The following SLC12A8 variants were observed in gnomAD, a reference collection of about 807,000 sequenced individuals.
The protein encoded by SLC12A8 is cation-chloride cotransporter 9.
Under a neutral mutation model 75.6 loss-of-function variants are expected in SLC12A8, and 69 were observed. That is an observed-to-expected ratio of 0.91 (90% CI 0.75 to 1.11). The LOEUF is 1.11. Among genes scored for constraint, SLC12A8 ranks in the 50% most tolerant of loss-of-function variants. The pLI, the probability that SLC12A8 is intolerant of heterozygous loss-of-function variation, is 0.00. For synonymous variants in SLC12A8, 365 were observed against 372.8 expected (o/e 0.98, Z 0.24); for missense variants, 877 against 896.7 (o/e 0.98, Z 0.28).
intron 5 of SLC12A8, among the ~76,000 whole-genome samples, chr3:125,141,407 G>A (rs537402229): frequency 2.0e-5 from 3 of 152,332 alleles, no homozygotes; most frequent in African/African-American, 4.8e-5. Flanking sequence ...GGCAGGCAGC[G>A]GGGGTCACTA....
At chr3:125,119,875 G>A (rs1309921867) in intron 7 of SLC12A8, 1 of 456,656 alleles carries the variant, frequency 2.2e-6, no homozygotes, top group Non-Finnish European at 4.4e-6. Flanking sequence ...CCCAATGAAG[G>A]GCAGAGAAGC....
chr3:125,133,864 C>T (rs1357628608), intron 6 of SLC12A8, among the ~76,000 whole-genome samples: 5 of 152,122 alleles, frequency 3.3e-5, no homozygotes, highest in East Asian at 1.9e-4. Flanking sequence ...CAAGCCACCA[C>T]GCCAGGCCAG....
intron 8 of SLC12A8, among the ~76,000 whole-genome samples, chr3:125,112,885 G>T (rs1160654431): frequency 2.0e-5 from 3 of 152,170 alleles, no homozygotes; most frequent in Non-Finnish European, 4.4e-5. Context: ...AGCCCTCCAG[G>T]TGATTCTAAT....
intron 12 of SLC12A8, among the ~76,000 whole-genome samples, chr3:125,090,146 C>A (rs1043831157): frequency 3.3e-5 from 5 of 152,078 alleles, no homozygotes; most frequent in Non-Finnish European, 5.9e-5. Context: ...TGGCCTCAAG[C>A]AATTCTCCTG....
At chr3:125,134,140 C>T (rs9809701) in intron 6 of SLC12A8, among the ~76,000 whole-genome samples, 36,933 of 151,954 alleles carry the variant, frequency 0.24, 4,802 homozygotes, top group Non-Finnish European at 0.28. Context: ...CTCGCTCTGT[C>T]GCCCAGGCTG....
chr3:125,107,364 C>T, intron 10 of SLC12A8, 117 bp downstream of exon 10: 1 of 917,648 alleles, frequency 1.1e-6, no homozygotes, highest in Non-Finnish European at 1.7e-6. Flanking sequence ...ACAAATATTG[C>T]ACAAAATTAA....
At chr3:125,199,008 G>T (rs1417770840) in intron 2 of SLC12A8, among the ~76,000 whole-genome samples, 1 of 152,008 alleles carries the variant, frequency 6.6e-6, no homozygotes, top group Non-Finnish European at 1.5e-5. Context: ...TCGATCTCCT[G>T]ACCTCGTGAT....
At chr3:125,200,963 A>G (rs2107802286) in intron 2 of SLC12A8, among the ~76,000 whole-genome samples, 1 of 152,348 alleles carries the variant, frequency 6.6e-6, no homozygotes, top group Non-Finnish European at 1.5e-5. Context: ...GACAGTGACC[A>G]TGGATGTGAT....
rs375950497 is a variant in SLC12A8 at position 125,092,043 on chromosome 3, C to T, written c.1803+58G>A. 9.7e-6 allele frequency: 12 copies of T among 1,236,580 alleles called. No homozygotes were observed. The East Asian group carries it at 2.6e-4, about 26-fold the overall frequency. The allele number at this position is 1,236,580 out of a possible 1,614,324, so 76.6% of individuals were successfully genotyped here. A position where few individuals can be genotyped will look rare whatever the true frequency, so the allele number is the denominator to read the frequency against. ...TCCTCCCCCACAGCCCAAGATCACA[C>T]ATGTGTCCACCTGAACTCTGTCCCA... On this transcript the variant is annotated intron_variant, in intron 11 of 13. Transcript: ENST00000469902.
intron 4 of SLC12A8, among the ~76,000 whole-genome samples, chr3:125,179,455 G>A (rs1934606052): frequency 6.6e-6 from 1 of 152,184 alleles, no homozygotes; most frequent in African/African-American, 2.4e-5. Context: ...GGCTCCATGA[G>A]TTCCAGCCAT....
intron 8 of SLC12A8, among the ~76,000 whole-genome samples, chr3:125,118,371 C>T (rs1165990843): frequency 2.6e-5 from 4 of 152,264 alleles, no homozygotes; most frequent in South Asian, 4.2e-4. Flanking sequence ...CGCCTGTAAT[C>T]TCAGCACTTT....
chr3:125,106,506 C>T (rs937934672), intron 10 of SLC12A8, among the ~76,000 whole-genome samples: 1 of 152,132 alleles, frequency 6.6e-6, no homozygotes, highest in African/African-American at 2.4e-5. Context: ...TGGGTTCAAG[C>T]AATTCTCCTG....
chr3:125,176,846 C>G (rs36184524), intron 5 of SLC12A8, among the ~76,000 whole-genome samples: 30,580 of 130,228 alleles, frequency 0.23, 3,976 homozygotes, highest in East Asian at 0.27. Context: ...AGAGGATGTG[C>G]AGAAATAGGA....
intron 10 of SLC12A8, among the ~76,000 whole-genome samples, chr3:125,092,720 G>A (rs1938616411): frequency 6.6e-6 from 1 of 152,122 alleles, no homozygotes; most frequent in African/African-American, 2.4e-5. Context: ...CCTTCCTCTG[G>A]CAATTGAAAT....
intron 11 of SLC12A8, 96 bp from the exon 12 acceptor site, chr3:125,091,652 C>T: frequency 1.2e-6 from 1 of 806,054 alleles, no homozygotes; most frequent in Non-Finnish European, 2.2e-6. Flanking sequence ...CATTCCCTCT[C>T]ATCAACTTCT....
Position 125,177,878 on chromosome 3 carries a change from C to CAACTGAAAT in SLC12A8, c.478_486dup (p.Ile160_Val162dup). 2.5e-6 allele frequency: 4 copies of CAACTGAAAT among 1,614,192 alleles called. No individual in the cohort carries two copies. In the South Asian group the frequency reaches 4.4e-5, roughly 18 times the overall value. ...ATGCCCAGCAAGGCCAGAAGCACCG[C>CAACTGAAAT]AACTGAAATTCCTCGCACAGCCCAG... On this transcript the variant is annotated inframe_insertion, in exon 5 of 14. Coordinates refer to ENST00000469902, the MANE Select transcript of SLC12A8 (RefSeq NM_024628.6).
intron 6 of SLC12A8, among the ~76,000 whole-genome samples, chr3:125,131,890 C>A (rs1433094935): frequency 6.6e-6 from 1 of 152,092 alleles, no homozygotes; most frequent in Non-Finnish European, 1.5e-5. Flanking sequence ...GGACCTGGAA[C>A]CCCCACCCCG....
chr3:125,175,238 C>T (rs940317804), intron 5 of SLC12A8, among the ~76,000 whole-genome samples: 2 of 152,080 alleles, frequency 1.3e-5, no homozygotes, highest in African/African-American at 4.8e-5. Context: ...TCCTTCCAGT[C>T]TTTTTTTCAA....
intron 6 of SLC12A8, among the ~76,000 whole-genome samples, chr3:125,128,557 G>A (rs1401460120): frequency 6.9e-6 from 1 of 144,824 alleles, no homozygotes; most frequent in Non-Finnish European, 1.5e-5. Context: ...TTGGCTCACC[G>A]CAACCTCTGC....
Sources: gnomAD v4.1 joint callset for allele counts (sites outside exome capture counted in the v4.1 genomes callset) on GRCh38, gnomAD v4.1.1 for gene constraint, MANE v1.5 for transcripts, NCBI Gene and HGNC (gene_info 2026-07-23, HGNC 2026-07-21) for gene names.